The following RNF213 variants were observed in gnomAD, a reference collection of about 807,000 sequenced individuals.
The protein encoded by RNF213 is E3 ubiquitin-protein ligase RNF213.
A neutral mutation model predicts 514.4 loss-of-function variants in RNF213; 341 were observed. The observed-to-expected ratio is 0.66, with a 90% CI of 0.61 to 0.73. The LOEUF (loss-of-function observed/expected upper bound fraction) is 0.73. RNF213 is among the 30% of genes least tolerant of loss of function. The pLI, the probability that RNF213 is intolerant of heterozygous loss-of-function variation, is 0.00. For synonymous variants in RNF213, 2,655 were observed against 2,658.2 expected, an observed-to-expected ratio of 1.00 and a Z score of 0.04; for missense variants, 5,767 against 6,615.6, an observed-to-expected ratio of 0.87 and a Z score of 4.45.
rs2045630253 is a variant in RNF213 at position 80,313,186 on chromosome 17, G to GCTT, written c.2811+22_2811+24dup. 2.5e-6 allele frequency: 4 copies of GCTT among 1,613,808 alleles called. No homozygotes were observed. The highest frequency in any genetic ancestry group is 3.4e-6 in the Non-Finnish European group (4 of 1,180,016). On this transcript the variant is annotated intron_variant, in intron 15 of 67. Coordinates refer to ENST00000582970, the MANE Select transcript of RNF213 (RefSeq NM_001256071.3). ...AATTGAGGTAGGCATTTGGCCGAAG[G>GCTT]CTTCTGGGTAGGGATGTGACTGATC...
intron 42 of RNF213, among the ~76,000 whole-genome samples, chr17:80,366,981 T>C (rs1205668841): frequency 6.6e-6 from 1 of 152,224 alleles, no homozygotes; most frequent in Non-Finnish European, 1.5e-5. Flanking sequence ...CTAGAGAAAC[T>C]TCTCATTTGC....
intron 15 of RNF213, among the ~76,000 whole-genome samples, chr17:80,313,843 A>T (rs1181188207): frequency 9.0e-6 from 1 of 110,956 alleles, no homozygotes; most frequent in Non-Finnish European, 1.9e-5. Context: ...GTGATGGTGG[A>T]GGTACTGGAG....
rs933078925 is a variant in RNF213 at position 80,337,744 on chromosome 17, C to T, written c.4668+18C>T. 46 of 1,537,158 alleles carry T rather than the reference C, an allele frequency of 3.0e-5. No homozygotes were observed. The highest frequency in any genetic ancestry group is 3.5e-5 in the Non-Finnish European group (40 of 1,146,908). On this transcript the variant is annotated intron_variant, in intron 24 of 67. Transcript: ENST00000582970. ...GCCAAAAGGTGAGCGGTCCCCAGCC[C>T]TCGGCGCAGCTGCGGCCCTTCTGCA...
chr17:80,307,362 G>GCTTTTTTTTT (rs550244427), intron 13 of RNF213, among the ~76,000 whole-genome samples, 161 bp downstream of exon 13: 1 of 113,720 alleles, frequency 8.8e-6, no homozygotes. Flanking sequence ...ATTGTCGTCT[G>GCTTTTTTTTT]TTTTTTTTTT....
In RNF213 at chr17:80,347,556, T is replaced by TC; in HGVS notation, c.9225dup (p.Lys3076GlnfsTer77). On this transcript the variant is annotated frameshift_variant, in exon 29 of 68. Coordinates refer to ENST00000582970, the MANE Select transcript of RNF213 (RefSeq NM_001256071.3). LOFTEE classifies it high-confidence loss of function. The surrounding 1 kb of genome is among the most constrained non-coding windows in gnomAD (Gnocchi z 7.2). ...CCGGAGATTATTTTTGGTTCTGGTT[T>TC]CCCCAAGGACCAAGAGTACACCCAG... 6.2e-7 allele frequency: 1 copy of TC among 1,614,106 alleles called. No homozygotes were observed.
intron 36 of RNF213, chr17:80,355,303 G>A (rs930778457): frequency 9.1e-6 from 4 of 439,404 alleles, no homozygotes; most frequent in South Asian, 1.6e-5. Flanking sequence ...AGGAGGGAAC[G>A]TGAGGAAGAA....
chr17:80,310,156 C>A (rs12947173), intron 14 of RNF213, among the ~76,000 whole-genome samples: 1 of 152,138 alleles, frequency 6.6e-6, no homozygotes, highest in Non-Finnish European at 1.5e-5. Flanking sequence ...GTGCAGAGAT[C>A]GGCAATTCCT....
At chr17:80,363,919 G>A (rs912810503) in intron 41 of RNF213, 129 bp downstream of exon 41, 12 of 905,394 alleles carry the variant, frequency 1.3e-5, no homozygotes, top group Admixed American at 4.0e-5. Flanking sequence ...GTCCTCACCC[G>A]TTCACTCCGC....
In RNF213 at chr17:80,358,513, A is replaced by G. The variant is rs1599119380; in HGVS notation, c.11054+34A>G. On this transcript the variant is annotated intron_variant, in intron 37 of 67. Coordinates refer to ENST00000582970, the MANE Select transcript of RNF213 (RefSeq NM_001256071.3). Reference sequence around the variant, plus strand: ...AAGGCTTTCTTTCCCTGGGGAGAGAAACTATCAGAACACAGCAGGACCCTA... The same window carrying G: ...AAGGCTTTCTTTCCCTGGGGAGAGAGACTATCAGAACACAGCAGGACCCTA... 4 of 1,583,522 alleles carry G rather than the reference A, an allele frequency of 2.5e-6. No individual in the cohort carries two copies. In the East Asian group the frequency reaches 8.9e-5, roughly 35 times the overall value.
Position 80,377,722 on chromosome 17 carries a change from G to A in RNF213, c.13511-40G>A, listed in dbSNP as rs2079817698. 6.2e-7 allele frequency: 1 copy of A among 1,613,160 alleles called. No individual in the cohort carries two copies. Among genetic ancestry groups the A allele is most frequent in the East Asian group, 2.2e-5 (1 of 44,880 alleles). On this transcript the variant is annotated intron_variant, in intron 53 of 67. Transcript: ENST00000582970. This position sits in a 1 kb window ranked among gnomAD's most constrained non-coding sequence, Gnocchi z 4.1. Reference sequence around the variant, plus strand: ...CCCTTTTCAATGTGGGTCATTGGGTGAAACCTCATTAGCCAATGTGTGTCC... The same window carrying A: ...CCCTTTTCAATGTGGGTCATTGGGTAAAACCTCATTAGCCAATGTGTGTCC...
intron 56 of RNF213, chr17:80,381,241 A>C (rs1324478708): frequency 1.0e-5 from 6 of 602,810 alleles, no homozygotes; most frequent in Non-Finnish European, 1.8e-5. Flanking sequence ...ATCTGGGAGT[A>C]GAGAGGCTGA....
chr17:80,319,536 A>G (rs2046067731), intron 17 of RNF213: 5 of 1,612,432 alleles, frequency 3.1e-6, no homozygotes, highest in African/African-American at 2.7e-5. Context: ...ACCATCCTGC[A>G]TGTGTTCCAT....
At chr17:80,294,623 T>C in intron 8 of RNF213, 97 bp from the exon 9 acceptor site, 1 of 1,435,430 alleles carries the variant, frequency 7.0e-7, no homozygotes, top group Non-Finnish European at 9.8e-7. Context: ...ATTTACTCCA[T>C]ATCTGTACCA....
intron 2 of RNF213, among the ~76,000 whole-genome samples, chr17:80,267,433 C>T (rs1165577341): frequency 6.6e-6 from 1 of 152,082 alleles, no homozygotes; most frequent in Non-Finnish European, 1.5e-5. Context: ...CAGAGCGAGA[C>T]TCCATCCCAA....
At chr17:80,387,715 G>C (rs1321550765) in intron 63 of RNF213, among the ~76,000 whole-genome samples, 1 of 152,200 alleles carries the variant, frequency 6.6e-6, no homozygotes, top group African/African-American at 2.4e-5. Flanking sequence ...ACACTCTGTT[G>C]TCTGGTATGG....
At chr17:80,352,483 CTCTT>C (rs2078561988) in intron 32 of RNF213, 1 of 489,284 alleles carries the variant, frequency 2.0e-6, no homozygotes, top group Non-Finnish European at 3.6e-6. Flanking sequence ...ATCTTCAGAT[CTCTT>C]TTTTTCCAAG....
rs1555645286 is a variant in RNF213 at position 80,290,641 on chromosome 17, C to T, written c.1184C>T (p.Pro395Leu). The T allele has an allele frequency of 2.5e-6, 4 of 1,614,166 alleles. No homozygotes were observed. Among genetic ancestry groups the T allele is most frequent in the Non-Finnish European group, 3.4e-6 (4 of 1,180,032 alleles). ...ATCTCTCTTCATTTCCCATTCAATC[C>T]TGACCTCCATAAAGTCTTCATCAGA... Reference protein sequence around the residue: ...AIISLHFPFNPDLHKVFIRGG... With the variant: ...AIISLHFPFNLDLHKVFIRGG... The change falls in exon 7 of 68, where the codon CCT becomes CTT. Residue 395 changes from proline (P) to leucine (L), a missense_variant. Pro to Leu is a moderately conservative substitution (Grantham distance 98, BLOSUM62 -3). This residue lies in a region of RNF213 where 509 missense variants were observed against 496.7 expected (regional missense o/e 1.02). Coordinates refer to ENST00000582970, the MANE Select transcript of RNF213 (RefSeq NM_001256071.3).
chr17:80,395,822 GT>G lies in RNF213; in HGVS notation c.*2325del, dbSNP rs2080647845. On this transcript the variant is annotated 3_prime_UTR_variant, in exon 68 of 68. Coordinates refer to ENST00000582970, the MANE Select transcript of RNF213 (RefSeq NM_001256071.3). ...GGTTCTTCCAGGCGAGAAACCTGTG[GT>G]CTAGAACCACAGCAAGAAGAGGAGG... The G allele has an allele frequency of 6.6e-6, 1 of 152,174 alleles. No homozygotes were observed. The highest frequency in any genetic ancestry group is 2.1e-4 in the South Asian group (1 of 4,832). 9.4% of individuals were successfully genotyped at this position (152,174 alleles called of 1,614,324 possible). A position where few individuals can be genotyped will look rare whatever the true frequency, so the allele number is the denominator to read the frequency against.
chr17:80,336,993 T>C (rs2144032109), intron 23 of RNF213: 1 of 167,566 alleles, frequency 6.0e-6, no homozygotes, highest in Non-Finnish European at 1.3e-5. Flanking sequence ...CTTAACTAGA[T>C]ACCTGGGCCA....
Sources: gnomAD v4.1 joint callset for allele counts (sites outside exome capture counted in the v4.1 genomes callset) on GRCh38, gnomAD v4.1.1 for gene constraint, gnomAD v4.1.1 regional missense constraint, Gnocchi (gnomAD v3.1) non-coding constraint, MANE v1.5 for transcripts, NCBI Gene and HGNC (gene_info 2026-07-23, HGNC 2026-07-21) for gene names.